Variants in TM2D2 observed in about 807,000 individuals in gnomAD.
The protein encoded by TM2D2 is TM2 domain-containing protein 2.
In TM2D2, 19 loss-of-function variants were observed where a neutral mutation model predicts 23.0. That is an observed-to-expected ratio of 0.82 (90% CI 0.58 to 1.21). The LOEUF (loss-of-function observed/expected upper bound fraction) is 1.21, where lower values mean the gene tolerates loss of function less well. Ranked by LOEUF, TM2D2 falls within the 50% of genes most tolerant of loss-of-function variation. The pLI, the probability that TM2D2 is intolerant of heterozygous loss-of-function variation, is 0.00. For synonymous variants in TM2D2, 120 were observed against 108.8 expected, an observed-to-expected ratio of 1.10 and a Z score of -0.64; for missense variants, 246 against 265.4, an observed-to-expected ratio of 0.93 and a Z score of 0.51.
intron 2 of TM2D2, among the ~76,000 whole-genome samples, chr8:38,994,505 T>C (rs1835696967): frequency 6.6e-6 from 1 of 152,224 alleles, no homozygotes; most frequent in African/African-American, 2.4e-5. Flanking sequence ...TTGTCTTAAA[T>C]ATTTATCTAT....
At chr8:38,995,874 T>C (rs1235818381) in intron 1 of TM2D2, 29 of 1,004,160 alleles carry the variant, frequency 2.9e-5, no homozygotes, top group Non-Finnish European at 3.5e-5. Context: ...ATTTATGCCT[T>C]ACTCAGTACT....
At chr8:38,995,169 A>C in intron 2 of TM2D2, 149 bp downstream of exon 2, 2 of 619,344 alleles carry the variant, frequency 3.2e-6, no homozygotes, top group Non-Finnish European at 5.4e-6. Flanking sequence ...TCAGTCACTG[A>C]CCCTGGCCAT....
Position 38,990,087 on chromosome 8 carries a change from A to C in TM2D2, c.*1245T>G, listed in dbSNP as rs1291067948. On this transcript the variant is annotated 3_prime_UTR_variant, in exon 4 of 4. Coordinates refer to ENST00000456397, the MANE Select transcript of TM2D2 (RefSeq NM_078473.3). Reference sequence around the variant, plus strand: ...AAGACAGAATAGGATCATCTGTTTTAAATTTTTTACAGAAAATTGCCACCT... The same window carrying C: ...AAGACAGAATAGGATCATCTGTTTTCAATTTTTTACAGAAAATTGCCACCT... The C allele has an allele frequency of 6.6e-6, 1 of 152,252 alleles. No individual in the cohort carries two copies. Among genetic ancestry groups the C allele is most frequent in the African/African-American group, 2.4e-5 (1 of 41,466 alleles). 9.4% of individuals were successfully genotyped at this position (152,252 alleles called of 1,614,324 possible). A position where few individuals can be genotyped will look rare whatever the true frequency, so the allele number is the denominator to read the frequency against.
intron 2 of TM2D2, chr8:38,994,017 TATGTATAAGCTTATACATATTTAC>T (rs1288150995): frequency 6.3e-6 from 1 of 157,678 alleles, no homozygotes; most frequent in East Asian, 1.8e-4. Flanking sequence ...TACATATTTA[TATGTATAAGCTTATACATATTTAC>T]AGGAAAAAGA....
intron 2 of TM2D2, among the ~76,000 whole-genome samples, chr8:38,994,355 C>T (rs766963999): frequency 5.1e-4 from 78 of 152,022 alleles, no homozygotes; most frequent in Non-Finnish European, 8.8e-5. Context: ...TTTTCATTGG[C>T]GAGTTCCTCA....
rs1455725967 is a variant in TM2D2 at position 38,991,541 on chromosome 8, T to G, written c.436A>C (p.Thr146Pro). 6.2e-7 allele frequency: 1 copy of G among 1,609,862 alleles called. No individual in the cohort carries two copies. The change falls in exon 4 of 4, where the codon ACC becomes CCC. Residue 146 changes from threonine to proline, a missense_variant. Thr to Pro is a conservative substitution (Grantham distance 38). Coordinates refer to ENST00000456397, the MANE Select transcript of TM2D2 (RefSeq NM_078473.3). ...LRENKPCIKY[T>P]GHYFITTLLY... is the part of the protein sequence containing the mutation. The stretch of plus-strand genomic sequence containing the variant: ...AAAGTGGTTATGAAGTAGTGTCCGG[T>G]ATACCTAGGTGAAAGGAATGAAAAG...
At chr8:38,995,925 G>A (rs969741433) in intron 1 of TM2D2, 2 of 741,900 alleles carry the variant, frequency 2.7e-6, no homozygotes, top group East Asian at 3.4e-5. Flanking sequence ...TGGGCTAAAG[G>A]GCGCAGGGCA....
At chr8:38,991,883 G>A (rs939794698) in intron 3 of TM2D2, among the ~76,000 whole-genome samples, 2 of 152,148 alleles carry the variant, frequency 1.3e-5, no homozygotes, top group Non-Finnish European at 2.9e-5. Flanking sequence ...AGGGCAGGGC[G>A]AATAGTTTAG....
intron 1 of TM2D2, chr8:38,995,778 T>TA: frequency 1.6e-6 from 2 of 1,251,628 alleles, no homozygotes; most frequent in African/African-American, 1.6e-5. Context: ...AAAGAGATGT[T>TA]AAAAAATGGC....
intron 1 of TM2D2, chr8:38,995,931 G>A (rs1441417902): frequency 2.7e-6 from 2 of 733,744 alleles, no homozygotes; most frequent in Admixed American, 3.5e-5. Flanking sequence ...AAAGGGCGCA[G>A]GGCAAAGAAA....
chr8:38,995,786 G>T, intron 1 of TM2D2: 2 of 1,242,986 alleles, frequency 1.6e-6, no homozygotes, highest in East Asian at 3.9e-5. Flanking sequence ...GTTAAAAAAT[G>T]GCGTGATTCT....
upstream of TM2D2, chr8:38,996,990 A>T (rs571616096): frequency 4.5e-6 from 7 of 1,549,560 alleles, no homozygotes; most frequent in Non-Finnish European, 5.2e-6. Flanking sequence ...GGGCCCCGGC[A>T]GGGTTGGAAA....
rs1270883604 is a variant in TM2D2, at chr8:38,992,808, C to T, written c.431+737G>A. Reference sequence around the variant, plus strand: ...CTTAAATGAACACTTGATCTCCATACACTCTTTCCTGTTGTTTTGAGCAGC... The same window carrying T: ...CTTAAATGAACACTTGATCTCCATATACTCTTTCCTGTTGTTTTGAGCAGC... On this transcript the variant is annotated intron_variant, in intron 3 of 3. Coordinates refer to ENST00000456397, the MANE Select transcript of TM2D2 (RefSeq NM_078473.3). Among the ~76,000 whole-genome samples the T allele has an allele frequency of 2.0e-5, 3 of 152,206 alleles. No homozygotes were observed. The East Asian group carries it at 5.8e-4, about 29-fold the overall frequency.
At position 38,990,787 on chromosome 8, in the gene TM2D2, A is replaced by T. The variant is rs1835578155; in HGVS notation, c.*545T>A. 1 of 154,112 alleles carries T rather than the reference A, an allele frequency of 6.5e-6. No homozygotes were observed. Among genetic ancestry groups the T allele is most frequent in the Non-Finnish European group, 1.4e-5 (1 of 69,302 alleles). 9.5% of individuals were successfully genotyped at this position (154,112 alleles called of 1,614,324 possible). ...ATTTTGAGTTTATTCCCCCTACTGA[A>T]AATACTCATACAGTACTCCAAGTTG... On this transcript the variant is annotated 3_prime_UTR_variant, in exon 4 of 4. Coordinates refer to ENST00000456397, the MANE Select transcript of TM2D2 (RefSeq NM_078473.3).
chr8:38,993,822 C>T, intron 2 of TM2D2, 162 bp from the exon 3 acceptor site: 1 of 495,924 alleles, frequency 2.0e-6, no homozygotes, highest in Non-Finnish European at 3.7e-6. Context: ...TTTAGTGACA[C>T]ACTTCTGAGT....
chr8:38,993,666 G>T lies in TM2D2; in HGVS notation c.316-6C>A. The T allele has an allele frequency of 6.2e-7, 1 of 1,610,562 alleles. No individual in the cohort carries two copies. The highest frequency in any genetic ancestry group is 1.1e-5 in the South Asian group (1 of 90,814). ...CTGTAGGCCTGACCGCCGAACTGTG[G>T]AATAACAACCAAGACCAAAACCAAC... On this transcript the variant is annotated splice_region_variant and splice_polypyrimidine_tract_variant and intron_variant, in intron 2 of 3. Coordinates refer to ENST00000456397, the MANE Select transcript of TM2D2 (RefSeq NM_078473.3).
At position 38,988,894 on chromosome 8, in the gene TM2D2, G is replaced by C. The variant is rs1835524469; in HGVS notation, c.*2438C>G. ...AATTTAACCTTGAGGGAAGGACACT[G>C]TAGTATTTTAAACCTTCTCTATAGC... On this transcript the variant is annotated 3_prime_UTR_variant, in exon 4 of 4. Transcript: ENST00000456397. The C allele has an allele frequency of 6.6e-6, 1 of 152,180 alleles. No individual in the cohort carries two copies. The highest frequency in any genetic ancestry group is 1.5e-5 in the Non-Finnish European group (1 of 68,042). The allele number at this position is 152,180 out of a possible 1,614,324, so 9.4% of individuals were successfully genotyped here.
chr8:38,993,268 T>G (rs987387905), intron 3 of TM2D2, among the ~76,000 whole-genome samples: 1 of 152,052 alleles, frequency 6.6e-6, no homozygotes, highest in African/African-American at 2.4e-5. Flanking sequence ...CCATAGACCC[T>G]CTTTGGTGCT....
At chr8:38,996,729 AC>A (rs553340729), upstream of TM2D2, 975 of 1,412,870 alleles carry the variant, frequency 6.9e-4, 2 homozygotes, top group Non-Finnish European at 8.6e-4. Flanking sequence ...GGATCCGTCG[AC>A]CCCCCTAGGT....
Sources: allele counts gnomAD v4.1 joint callset (sites outside exome capture counted in the v4.1 genomes callset), GRCh38; gene constraint gnomAD v4.1.1; transcripts MANE v1.5; gene names NCBI Gene and HGNC (gene_info 2026-07-23, HGNC 2026-07-21).